Variants in ABHD6 observed in about 807,000 individuals in gnomAD.
The protein encoded by ABHD6 is monoacylglycerol lipase ABHD6.
ABHD6 carries 33 observed loss-of-function variants against 38.8 expected under a neutral mutation model. The ratio of observed to expected loss-of-function variants is 0.85; its 90% confidence interval spans 0.64 to 1.14. The LOEUF is 1.14. Among genes scored for constraint, ABHD6 ranks in the 50% most tolerant of loss-of-function variants. ABHD6 has a pLI of 0.00. For synonymous variants in ABHD6, 147 were observed against 161.6 expected, an observed-to-expected ratio of 0.91 and a Z score of 0.69; for missense variants, 380 against 422.6, an observed-to-expected ratio of 0.90 and a Z score of 0.88.
At chr3:58,241,142 G>T (rs150675222) in intron 1 of ABHD6, among the ~76,000 whole-genome samples, 1 of 152,130 alleles carries the variant, frequency 6.6e-6, no homozygotes, top group Admixed American at 6.5e-5. Context: ...TGCACAGGAC[G>T]GTGCCACAAC....
In ABHD6 at chr3:58,251,280, A is replaced by G. The variant is rs888975280; in HGVS notation, c.-26+1338A>G. ...TGCAGTGAGCCAAGATTGTACCACT[A>G]CACTCCAGCCTGGCTGACAGAGCGA... On this transcript the variant is annotated intron_variant, in intron 2 of 9. Transcript: ENST00000478253. This position sits in a 1 kb window ranked among gnomAD's most constrained non-coding sequence, Gnocchi z 5.4. Among the ~76,000 whole-genome samples, 6 of 151,212 alleles carry G rather than the reference A, an allele frequency of 4.0e-5. No homozygotes were observed. The highest frequency in any genetic ancestry group is 8.8e-5 in the Non-Finnish European group (6 of 67,870).
At chr3:58,282,300 A>G (rs1163729381) in intron 7 of ABHD6, among the ~76,000 whole-genome samples, 1 of 152,092 alleles carries the variant, frequency 6.6e-6, no homozygotes, top group African/African-American at 2.4e-5. Flanking sequence ...TTTGGGAACT[A>G]TTGTGCCTTG....
At chr3:58,258,845 G>T (rs773152227) in intron 3 of ABHD6, among the ~76,000 whole-genome samples, 1 of 152,148 alleles carries the variant, frequency 6.6e-6, no homozygotes, top group Admixed American at 6.5e-5. Flanking sequence ...CTCTGGGGGC[G>T]GGAGTGGGGA....
At chr3:58,290,594 C>G (rs1399207522) in intron 9 of ABHD6, among the ~76,000 whole-genome samples, 1 of 145,966 alleles carries the variant, frequency 6.9e-6, no homozygotes. Context: ...GGGTGGCTGC[C>G]GGGCGGAGGG....
At chr3:58,271,181 T>G in intron 6 of ABHD6, 117 bp downstream of exon 6, 1 of 1,187,614 alleles carries the variant, frequency 8.4e-7, no homozygotes, top group Non-Finnish European at 1.1e-6. Flanking sequence ...TTGAGAGATA[T>G]GCAGTGTTTT....
chr3:58,288,018 T>A (rs1187415449), intron 9 of ABHD6, among the ~76,000 whole-genome samples: 1 of 152,168 alleles, frequency 6.6e-6, no homozygotes, highest in Non-Finnish European at 1.5e-5. Context: ...GGTCCAAATT[T>A]TTTTCCCAGA....
intron 2 of ABHD6, among the ~76,000 whole-genome samples, chr3:58,252,229 G>GTTTTTTTTTTTTTT (rs10671892): frequency 2.5e-5 from 2 of 80,966 alleles, no homozygotes; most frequent in Non-Finnish European, 4.3e-5. Flanking sequence ...TTGACTGCTT[G>GTTTTTTTTTTTTTT]TTTTTTTTTT....
intron 3 of ABHD6, chr3:58,258,370 T>C: frequency 2.3e-6 from 1 of 442,606 alleles, no homozygotes; most frequent in South Asian, 1.6e-5. Flanking sequence ...AACAGTCTTA[T>C]TAAATTGTAT....
rs1398146201 is a variant in ABHD6 at position 58,263,253 on chromosome 3, G to C, written c.120-3936G>C. Among the ~76,000 whole-genome samples the C allele has an allele frequency of 2.0e-5, 3 of 151,972 alleles. No individual in the cohort carries two copies. The highest frequency in any genetic ancestry group is 4.4e-5 in the Non-Finnish European group (3 of 68,002). On this transcript the variant is annotated intron_variant, in intron 3 of 9. Transcript: ENST00000478253. This position sits in a 1 kb window ranked among gnomAD's most constrained non-coding sequence, Gnocchi z 4.9. Reference sequence around the variant, plus strand: ...ACAAAAACAAAAATTAGCCGAGCGTGGTGGCACACACCTGTAATCCCAGCT... The same window carrying C: ...ACAAAAACAAAAATTAGCCGAGCGTCGTGGCACACACCTGTAATCCCAGCT...
intron 4 of ABHD6, among the ~76,000 whole-genome samples, chr3:58,268,019 A>T (rs2097442337): frequency 6.6e-6 from 1 of 152,150 alleles, no homozygotes; most frequent in South Asian, 2.1e-4. Context: ...GCTGCAGTGA[A>T]CCAAGATCGT....
intron 9 of ABHD6, among the ~76,000 whole-genome samples, chr3:58,291,781 C>T (rs58066665): frequency 0.023 from 3,477 of 152,160 alleles, 136 homozygotes; most frequent in African/African-American, 0.078. Context: ...GATATCTCTC[C>T]AGGATAGACA....
At position 58,263,123 on chromosome 3, in the gene ABHD6, G is replaced by A. The variant is rs145605175; in HGVS notation, c.120-4066G>A. On this transcript the variant is annotated intron_variant, in intron 3 of 9. Transcript: ENST00000478253. This position sits in a 1 kb window ranked among gnomAD's most constrained non-coding sequence, Gnocchi z 4.9. ...CTTGGGAGGCTGAAGTGGGAGAATC[G>A]TTTGAAAGCAGAAGGTGGAGGTTGC... Among the ~76,000 whole-genome samples the A allele has an allele frequency of 3.8e-4, 58 of 152,180 alleles. No individual in the cohort carries two copies. Among genetic ancestry groups the A allele is most frequent in the African/African-American group, 1.2e-3 (51 of 41,534 alleles).
rs1209148469 is a variant in ABHD6, at chr3:58,265,005, T to A, written c.120-2184T>A. On this transcript the variant is annotated intron_variant, in intron 3 of 9. Transcript: ENST00000478253. This position sits in a 1 kb window ranked among gnomAD's most constrained non-coding sequence, Gnocchi z 4.2. ...AGTAGGTCTTATTCATTCTTTCTAT[T>A]TTTTTTGTACCCATTAACCATCCCC... 6.6e-6 allele frequency among the ~76,000 whole-genome samples: 1 copy of A among 151,646 alleles called. No individual in the cohort carries two copies. Among genetic ancestry groups the A allele is most frequent in the Non-Finnish European group, 1.5e-5 (1 of 67,906 alleles).
At chr3:58,289,937 G>A (rs1207681135) in intron 9 of ABHD6, among the ~76,000 whole-genome samples, 4 of 145,550 alleles carry the variant, frequency 2.7e-5, no homozygotes, top group Non-Finnish European at 4.5e-5. Flanking sequence ...CAGTAGGGGC[G>A]GCCGGGCAGA....
Position 58,271,054 on chromosome 3 carries a change from G to C in ABHD6, c.513G>C (p.Val171=). The part of the protein sequence containing the change: ...YPSDVSSLCL[V]CPAGLQYSTD... ...CGGATGTCTCCAGCCTGTGTCTCGT[G>C]TGTCCTGCTGGTAAGTTATGAAGCT... Residue 171 remains valine, a synonymous_variant, in exon 6 of 10, where the codon GTG becomes GTC. Coordinates refer to ENST00000478253, the MANE Select transcript of ABHD6 (RefSeq NM_001320126.2). 6.2e-7 allele frequency: 1 copy of C among 1,600,600 alleles called. No homozygotes were observed.
chr3:58,240,791 C>T (rs759315688), intron 1 of ABHD6, among the ~76,000 whole-genome samples: 1 of 145,080 alleles, frequency 6.9e-6, no homozygotes. Context: ...AGTGCAGTAG[C>T]GCGATCTCGG....
intron 9 of ABHD6, among the ~76,000 whole-genome samples, chr3:58,290,884 C>T (rs1343778217): frequency 6.7e-6 from 1 of 149,962 alleles, no homozygotes; most frequent in Non-Finnish European, 1.5e-5. Flanking sequence ...AGACGCTCCT[C>T]ACTTTCCAGA....
chr3:58,247,425 G>A (rs2097427179), intron 1 of ABHD6, among the ~76,000 whole-genome samples: 1 of 152,066 alleles, frequency 6.6e-6, no homozygotes, highest in Admixed American at 6.5e-5. Context: ...TTTGACTTGT[G>A]GCTAGTGCAG....
intron 9 of ABHD6, among the ~76,000 whole-genome samples, chr3:58,292,034 A>C (rs1362318039): frequency 6.6e-6 from 1 of 152,086 alleles, no homozygotes; most frequent in East Asian, 1.9e-4. Flanking sequence ...GTTTCTTCTG[A>C]GTGTTTCCAC....
Sources: gnomAD v4.1 joint callset for allele counts (sites outside exome capture counted in the v4.1 genomes callset) on GRCh38, gnomAD v4.1.1 for gene constraint, Gnocchi (gnomAD v3.1) non-coding constraint, MANE v1.5 for transcripts, NCBI Gene and HGNC (gene_info 2026-07-23, HGNC 2026-07-21) for gene names.